Variants in NIPBL observed in about 807,000 individuals in gnomAD.
The protein encoded by NIPBL is nipped-B-like protein.
Under a neutral mutation model 321.8 loss-of-function variants are expected in NIPBL, and 19 were observed. The ratio of observed to expected loss-of-function variants is 0.06; its 90% CI spans 0.04 to 0.09. The LOEUF (loss-of-function observed/expected upper bound fraction) is 0.09, where lower values mean the gene tolerates loss of function less well. NIPBL is among the 10% of genes least tolerant of loss of function. The probability of loss-of-function intolerance (pLI) is 1.00; values close to 1 mark genes in which losing one functional copy is unlikely to be tolerated. For missense variants in NIPBL, 2,210 were observed against 3,327.0 expected, an observed-to-expected ratio of 0.66 and a Z score of 8.26; for synonymous variants, 1,106 against 1,114.1, an observed-to-expected ratio of 0.99 and a Z score of 0.14.
intron 9 of NIPBL, among the ~76,000 whole-genome samples, chr5:36,978,669 A>G (rs951720220): frequency 1.3e-5 from 2 of 151,930 alleles, no homozygotes; most frequent in South Asian, 2.1e-4. Context: ...AATTAGGACA[A>G]TGTCCCAAAA....
At chr5:37,064,020 G>T in intron 46 of NIPBL, 42 bp downstream of exon 46, 1 of 1,604,526 alleles carries the variant, frequency 6.2e-7, no homozygotes, top group Non-Finnish European at 8.5e-7. Flanking sequence ...AGCGTATTAC[G>T]TAAAATGATT....
In NIPBL at chr5:37,052,551, C is replaced by T; in HGVS notation, c.7248C>T (p.Leu2416=). Residue 2416 remains leucine, a synonymous_variant, in exon 42 of 47, where the codon CTC becomes CTT. Transcript: ENST00000282516. Reference sequence around the variant, plus strand: ...CCTTTCTTATTTCTTTACTCAACCTCTTTGATGACACAGCAGTAAGCACAA... The same window carrying T: ...CCTTTCTTATTTCTTTACTCAACCTTTTTGATGACACAGCAGTAAGCACAA... ...RRAFLISLLN[L]FDDTAKTDVT... 1 of 1,613,962 alleles carries T rather than the reference C, an allele frequency of 6.2e-7. No individual in the cohort carries two copies. Among genetic ancestry groups the T allele is most frequent in the South Asian group, 1.1e-5 (1 of 91,078 alleles).
At chr5:37,026,946 G>A (rs1045519417) in intron 31 of NIPBL, among the ~76,000 whole-genome samples, 2 of 150,958 alleles carry the variant, frequency 1.3e-5, no homozygotes, top group East Asian at 1.9e-4. Flanking sequence ...GAAAAATTCT[G>A]TATATTCAAT....
chr5:36,917,565 CAT>C (rs1006460726), intron 1 of NIPBL, among the ~76,000 whole-genome samples: 5 of 152,124 alleles, frequency 3.3e-5, no homozygotes, highest in African/African-American at 1.2e-4. Flanking sequence ...CGGTAAATGA[CAT>C]GTCATTTAGT....
chr5:37,034,442 A>T (rs758864017), intron 32 of NIPBL, among the ~76,000 whole-genome samples: 1 of 152,208 alleles, frequency 6.6e-6, no homozygotes, highest in Non-Finnish European at 1.5e-5. Context: ...GGCATATACA[A>T]GAGTGCTTAT....
intron 4 of NIPBL, among the ~76,000 whole-genome samples, chr5:36,961,240 G>A (rs1420670372): frequency 6.6e-6 from 1 of 152,134 alleles, no homozygotes; most frequent in Non-Finnish European, 1.5e-5. Flanking sequence ...GAGTAAGCAA[G>A]TAAATTTTTT....
chr5:36,894,327 A>T (rs1247931572), intron 1 of NIPBL, among the ~76,000 whole-genome samples: 1 of 152,048 alleles, frequency 6.6e-6, no homozygotes, highest in African/African-American at 2.4e-5. Context: ...AGATAAAGTG[A>T]AGTATCCAAA....
At chr5:37,028,691 A>C (rs1750605976) in intron 32 of NIPBL, among the ~76,000 whole-genome samples, 1 of 152,132 alleles carries the variant, frequency 6.6e-6, no homozygotes, top group Non-Finnish European at 1.5e-5. Context: ...ATTCATAAAT[A>C]CTTTAGCATC....
At chr5:37,015,655 G>T (rs1397493678) in intron 22 of NIPBL, among the ~76,000 whole-genome samples, 1 of 152,054 alleles carries the variant, frequency 6.6e-6, no homozygotes, top group Non-Finnish European at 1.5e-5. Flanking sequence ...GCTGGAACCC[G>T]GGAGGTGGAG....
chr5:36,990,515 T>A (rs1745379343), intron 10 of NIPBL, among the ~76,000 whole-genome samples: 1 of 152,216 alleles, frequency 6.6e-6, no homozygotes, highest in South Asian at 2.1e-4. Flanking sequence ...TTATTTTGTT[T>A]CATTTGTACA....
In NIPBL at chr5:36,962,217, G is replaced by A; in HGVS notation, c.553G>A (p.Gly185Arg). 1 of 1,614,078 alleles carries A rather than the reference G, an allele frequency of 6.2e-7. No individual in the cohort carries two copies. Among genetic ancestry groups the A allele is most frequent in the Non-Finnish European group, 8.5e-7 (1 of 1,179,976 alleles). ...TCCATACGCCCCACAAAGCCCTGCAGGATACATGCCATATTCCCATCCTTC... is the reference window on the plus strand; with the variant it reads ...TCCATACGCCCCACAAAGCCCTGCAAGATACATGCCATATTCCCATCCTTC... The part of the protein sequence containing the change: ...PSPYAPQSPA[G>R]YMPYSHPSSY... Residue 185 changes from glycine to arginine, a missense_variant, in exon 6 of 47, where the codon GGA becomes AGA. Coordinates refer to ENST00000282516, the MANE Select transcript of NIPBL (RefSeq NM_133433.4).
chr5:37,056,914 C>T (rs1483171815), intron 42 of NIPBL, among the ~76,000 whole-genome samples: 5 of 151,998 alleles, frequency 3.3e-5, no homozygotes, highest in African/African-American at 1.2e-4. Flanking sequence ...AAAAATGGGC[C>T]TAAGATTATT....
intron 42 of NIPBL, among the ~76,000 whole-genome samples, chr5:37,053,550 TTC>T (rs374356540): frequency 6.6e-6 from 1 of 152,118 alleles, no homozygotes; most frequent in Non-Finnish European, 1.5e-5. Flanking sequence ...GATCTTGCTT[TTC>T]TCTCTCTCTC....
chr5:37,007,232 G>A, intron 17 of NIPBL, 91 bp from the exon 18 acceptor site: 1 of 1,102,898 alleles, frequency 9.1e-7, no homozygotes, highest in South Asian at 1.4e-5. Flanking sequence ...AGAAAATTGT[G>A]TTCTCTTAAT....
intron 21 of NIPBL, among the ~76,000 whole-genome samples, chr5:37,013,619 G>T (rs1748527169): frequency 6.6e-6 from 1 of 152,168 alleles, no homozygotes. Context: ...GGGTGGCCGG[G>T]CAGAGACGCT....
At position 36,950,237 on chromosome 5, in the gene NIPBL, T is replaced by C. The variant is rs191824206; in HGVS notation, c.-79-3381T>C. 2.0e-5 allele frequency among the ~76,000 whole-genome samples: 3 copies of C among 152,214 alleles called. No homozygotes were observed. In the East Asian group the frequency reaches 5.8e-4, roughly 29 times the overall value. On this transcript the variant is annotated intron_variant, in intron 1 of 46. Transcript: ENST00000282516. Reference sequence around the variant, plus strand: ...ATAGATCTTTTAGAAGTAGGAATTATTTGTATTGAAAAGATGCCTTTCCCT... The same window carrying C: ...ATAGATCTTTTAGAAGTAGGAATTACTTGTATTGAAAAGATGCCTTTCCCT...
At chr5:36,897,591 C>G (rs1050544733) in intron 1 of NIPBL, among the ~76,000 whole-genome samples, 2 of 152,070 alleles carry the variant, frequency 1.3e-5, no homozygotes, top group African/African-American at 4.8e-5. Context: ...AAAGTAAGAT[C>G]AGACAACTCA....
At chr5:37,001,943 G>GT (rs1257218967) in intron 14 of NIPBL, among the ~76,000 whole-genome samples, 2 of 152,132 alleles carry the variant, frequency 1.3e-5, no homozygotes, top group African/African-American at 4.8e-5. Context: ...TAGAATGTCA[G>GT]TTTCATCTTT....
chr5:36,960,344 A>G (rs1030500340), intron 4 of NIPBL, among the ~76,000 whole-genome samples: 2 of 151,018 alleles, frequency 1.3e-5, no homozygotes, highest in Middle Eastern at 3.2e-3. Context: ...TGTCTCATTG[A>G]GTGTTCATCT....
Sources: gnomAD v4.1 joint callset for allele counts (sites outside exome capture counted in the v4.1 genomes callset) on GRCh38, gnomAD v4.1.1 for gene constraint, MANE v1.5 for transcripts, NCBI Gene and HGNC (gene_info 2026-07-23, HGNC 2026-07-21) for gene names.